The following TET3 variants were observed in gnomAD, a reference collection of about 807,000 sequenced individuals.
TET3 encodes methylcytosine dioxygenase TET3.
In TET3, 19 loss-of-function variants were observed where a neutral mutation model predicts 141.4. That is an observed-to-expected ratio of 0.13 (90% CI 0.09 to 0.20). The LOEUF is 0.20. Ranked by LOEUF, TET3 falls within the 10% of genes least tolerant of loss-of-function variation. TET3 has a pLI of 1.00. For missense variants in TET3, 1,874 were observed against 2,356.9 expected, an observed-to-expected ratio of 0.80 and a Z score of 4.24; for synonymous variants, 1,043 against 980.9, an observed-to-expected ratio of 1.06 and a Z score of -1.18.
Position 74,106,522 on chromosome 2 carries a change from A to AT in TET3, c.*4347dup, listed in dbSNP as rs1228750822. The AT allele has an allele frequency of 2.6e-5, 4 of 153,758 alleles. No homozygotes were observed. Among genetic ancestry groups the AT allele is most frequent in the Non-Finnish European group, 1.5e-5 (1 of 68,070 alleles). The allele number at this position is 153,758 out of a possible 1,614,324, so 9.5% of individuals were successfully genotyped here. A position where few individuals can be genotyped will look rare whatever the true frequency, so the allele number is the denominator to read the frequency against. ...TCCTCCCCTGGCACTGGCTGGGACC[A>AT]TGGTGGGCAGGGGCTTCATTCTCTG... is the stretch of plus-strand genomic sequence containing the variant. On this transcript the variant is annotated 3_prime_UTR_variant, in exon 12 of 12. Coordinates refer to ENST00000409262, the MANE Select transcript of TET3 (RefSeq NM_001287491.2).
In TET3 at chr2:74,088,076, T is replaced by C. The variant is rs577582658; in HGVS notation, c.2888+38T>C. On this transcript the variant is annotated intron_variant, in intron 7 of 11. Transcript: ENST00000409262. ...GGGCTTCAGGGCCAGGGCCCACCTA[T>C]AGGGTCCTGGGCAGCAAATACAGGA... 7.1e-6 allele frequency: 11 copies of C among 1,541,486 alleles called. No homozygotes were observed. The Middle Eastern group carries it at 5.0e-4, about 70-fold the overall frequency.
At chr2:73,996,835 T>G (rs1381648136) in intron 2 of TET3, among the ~76,000 whole-genome samples, 1 of 152,176 alleles carries the variant, frequency 6.6e-6, no homozygotes, top group East Asian at 1.9e-4. Context: ...TATTAACCAC[T>G]GAGGGAGGGA....
intron 5 of TET3, among the ~76,000 whole-genome samples, chr2:74,075,911 T>C (rs1689479218): frequency 6.6e-6 from 1 of 152,166 alleles, no homozygotes; most frequent in African/African-American, 2.4e-5. Flanking sequence ...GTGTTGTAGT[T>C]TGCAGATTAG....
At chr2:74,023,485 G>A (rs755708403) in intron 3 of TET3, among the ~76,000 whole-genome samples, 2 of 151,406 alleles carry the variant, frequency 1.3e-5, no homozygotes, top group Non-Finnish European at 2.9e-5. Context: ...TCAAGTGATC[G>A]TCCTCCCTCG....
chr2:74,107,812 T>A lies in TET3; in HGVS notation c.*5636T>A, dbSNP rs1219284191. 1 of 152,248 alleles carries A rather than the reference T, an allele frequency of 6.6e-6. No individual in the cohort carries two copies. The highest frequency in any genetic ancestry group is 1.5e-5 in the Non-Finnish European group (1 of 68,028). The allele number at this position is 152,248 out of a possible 1,614,324, so 9.4% of individuals were successfully genotyped here. On this transcript the variant is annotated 3_prime_UTR_variant, in exon 12 of 12. Coordinates refer to ENST00000409262, the MANE Select transcript of TET3 (RefSeq NM_001287491.2). ...TGAAATGAAGTTTATCTGGGGTTGA[T>A]GGATGAATGGTAGATTTTTGCAATG...
chr2:74,069,352 C>T (rs187871998), intron 4 of TET3, among the ~76,000 whole-genome samples: 173 of 148,792 alleles, frequency 1.2e-3, no homozygotes, highest in African/African-American at 4.1e-3. Flanking sequence ...AGGCAACAGT[C>T]AGGTATTATT....
intron 2 of TET3, chr2:74,002,582 C>G (rs908398732): frequency 1.9e-5 from 6 of 322,398 alleles, no homozygotes; most frequent in Non-Finnish European, 3.4e-5. Flanking sequence ...CGGCTGCGCC[C>G]CCGCCTCCCG....
chr2:74,051,827 T>C (rs1687959517), intron 4 of TET3, among the ~76,000 whole-genome samples: 1 of 152,210 alleles, frequency 6.6e-6, no homozygotes, highest in Non-Finnish European at 1.5e-5. Flanking sequence ...AGTTGGACTC[T>C]TAACCACCAT....
downstream of TET3, among the ~76,000 whole-genome samples, chr2:74,113,156 C>T (rs1184556165): frequency 3.3e-5 from 5 of 151,732 alleles, no homozygotes; most frequent in Non-Finnish European, 7.4e-5. Flanking sequence ...TTTGGGAGGC[C>T]GAGGCAGGCA....
intron 6 of TET3, 32 bp downstream of exon 6, chr2:74,080,623 T>C (rs1466119843): frequency 6.4e-7 from 1 of 1,563,166 alleles, no homozygotes; most frequent in Non-Finnish European, 8.7e-7. Context: ...GAGCCACAGC[T>C]GTGCCTGGTT....
chr2:74,117,137 G>A, the TET3 span, among the ~76,000 whole-genome samples: 9 of 152,124 alleles, frequency 5.9e-5, no homozygotes, highest in Non-Finnish European at 1.3e-4. Context: ...AGATAAATCA[G>A]GATTTGTTTT....
chr2:74,102,921 C>T lies in TET3; in HGVS notation c.*745C>T, dbSNP rs1178690111. 1 of 152,268 alleles carries T rather than the reference C, an allele frequency of 6.6e-6. No homozygotes were observed. Among genetic ancestry groups the T allele is most frequent in the Non-Finnish European group, 1.5e-5 (1 of 68,098 alleles). The allele number at this position is 152,268 out of a possible 1,614,324, so 9.4% of individuals were successfully genotyped here. ...GGGCAGATGCACCCCAGGCCAGCCC[C>T]ACGAGATGCTGGCATAGCTTTCCCC... On this transcript the variant is annotated 3_prime_UTR_variant, in exon 12 of 12. Coordinates refer to ENST00000409262, the MANE Select transcript of TET3 (RefSeq NM_001287491.2).
intron 5 of TET3, among the ~76,000 whole-genome samples, chr2:74,075,024 C>A (rs1689421659): frequency 6.6e-6 from 1 of 152,132 alleles, no homozygotes. Flanking sequence ...GCGCCTGCCA[C>A]CACGCCTGGC....
chr2:74,101,323 C>T lies in TET3; in HGVS notation c.4535C>T (p.Pro1512Leu), dbSNP rs769490788. 29 of 1,613,540 alleles carry T rather than the reference C, an allele frequency of 1.8e-5. No individual in the cohort carries two copies. The Admixed American group carries it at 2.7e-4, about 15-fold the overall frequency. ...TCTGGAGGACGGCTGCGAGGCAAAC[C>T]GTGGAGCCCCTGCAAGTTTGGGAAC... is the stretch of plus-strand genomic sequence containing the variant. ...SHSGGRLRGK[P>L]WSPCKFGNST... is the part of the protein sequence containing the mutation. The change falls in exon 12 of 12, where the codon CCG becomes CTG. Residue 1512 changes from proline (P) to leucine (L), a missense_variant. Around this residue, in one of 10 missense-constraint regions of TET3, gnomAD observed 602 missense variants for 590.2 expected, o/e 1.02. Transcript: ENST00000409262. This position sits in a 1 kb window ranked among gnomAD's most constrained non-coding sequence, Gnocchi z 8.5.
In TET3 at chr2:74,099,301, A is replaced by G. The variant is rs754481733; in HGVS notation, c.3293A>G (p.Asn1098Ser). The G allele has an allele frequency of 4.4e-6, 7 of 1,606,634 alleles. No individual in the cohort carries two copies. Among genetic ancestry groups the G allele is most frequent in the South Asian group, 2.2e-5 (2 of 89,590 alleles). ...TVVCTLTKED[N>S]RCVGKIPEDE... ...GTCTGCACCCTGACCAAGGAAGACA[A>G]TCGCTGCGTGGGCAAGATTCCCGAG... Residue 1098 changes from asparagine (N) to serine (S), a missense_variant, in exon 11 of 12, where the codon AAT (asparagine) becomes AGT (serine). Coordinates refer to ENST00000409262, the MANE Select transcript of TET3 (RefSeq NM_001287491.2).
intron 10 of TET3, among the ~76,000 whole-genome samples, chr2:74,095,783 C>T (rs1690789190): frequency 1.3e-5 from 2 of 152,264 alleles, no homozygotes; most frequent in South Asian, 4.1e-4. Flanking sequence ...CATTTCCCTT[C>T]TGTAAACCAC....
intron 2 of TET3, among the ~76,000 whole-genome samples, chr2:73,999,810 T>C (rs1684757921): frequency 6.6e-6 from 1 of 152,158 alleles, no homozygotes; most frequent in South Asian, 2.1e-4. Context: ...GCATACCGGC[T>C]GGAGGCAGAG....
chr2:74,114,901 T>A, the TET3 span, among the ~76,000 whole-genome samples: 1 of 132,444 alleles, frequency 7.6e-6, no homozygotes, highest in South Asian at 2.7e-4. Context: ...GTTATCTATA[T>A]GCGAAGAAGA....
At chr2:73,987,246 T>G (rs1684078882) in intron 2 of TET3, among the ~76,000 whole-genome samples, 2 of 152,196 alleles carry the variant, frequency 1.3e-5, no homozygotes, top group Admixed American at 6.5e-5. Context: ...CTATCTTAGT[T>G]CTTCTTGCGG....
Sources: allele counts gnomAD v4.1 joint callset (sites outside exome capture counted in the v4.1 genomes callset), GRCh38; gene constraint gnomAD v4.1.1; regional missense constraint gnomAD v4.1.1; non-coding constraint Gnocchi (gnomAD v3.1); transcripts MANE v1.5; gene names NCBI Gene and HGNC (gene_info 2026-07-23, HGNC 2026-07-21).